Variants in HERC6 observed in about 807,000 individuals in gnomAD.
The protein encoded by HERC6 is HECT and RLD domain containing E3 ubiquitin protein ligase family member 6, also known as probable E3 ubiquitin-protein ligase HERC6.
In HERC6, 101 loss-of-function variants were observed where a neutral mutation model predicts 114.5. The ratio of observed to expected loss-of-function variants is 0.88; its 90% CI spans 0.75 to 1.04. The LOEUF (loss-of-function observed/expected upper bound fraction) is 1.04. Among genes scored for constraint, HERC6 ranks in the 50% least tolerant of loss-of-function variants. The pLI, the probability that HERC6 is intolerant of heterozygous loss-of-function variation, is 0.00. For synonymous variants in HERC6, 408 were observed against 436.2 expected (o/e 0.94, Z 0.81); for missense variants, 1,133 against 1,230.9 (o/e 0.92, Z 1.19).
chr4:88,388,033 T>C (rs1578370570), intron 3 of HERC6, among the ~76,000 whole-genome samples: 1 of 152,260 alleles, frequency 6.6e-6, no homozygotes, highest in Non-Finnish European at 1.5e-5. Context: ...AAATTAACTT[T>C]AGAAGAGTTA....
intron 1 of HERC6, 150 bp downstream of exon 1, chr4:88,379,270 G>A (rs895790537): frequency 2.8e-5 from 17 of 615,492 alleles, no homozygotes; most frequent in Non-Finnish European, 4.5e-5. Flanking sequence ...CAGATGCTGG[G>A]CGCCGCGGGC....
At chr4:88,413,014 T>C in intron 11 of HERC6, 63 bp from the exon 12 acceptor site, 2 of 1,207,398 alleles carry the variant, frequency 1.7e-6, no homozygotes, top group Non-Finnish European at 2.3e-6. Flanking sequence ...CACAGCTTGC[T>C]TCTCACAATC....
chr4:88,432,517 C>T (rs775276897), intron 17 of HERC6, among the ~76,000 whole-genome samples: 4 of 151,950 alleles, frequency 2.6e-5, no homozygotes, highest in African/African-American at 4.8e-5. Context: ...GTCAGGAATT[C>T]GAGACCAGCC....
intron 13 of HERC6, among the ~76,000 whole-genome samples, chr4:88,423,124 T>G (rs188409314): frequency 6.6e-6 from 1 of 152,160 alleles, no homozygotes; most frequent in Non-Finnish European, 1.5e-5. Flanking sequence ...AGACGCAGTC[T>G]TTTCATTTGT....
chr4:88,403,377 G>A (rs2148890429), intron 8 of HERC6, among the ~76,000 whole-genome samples: 1 of 152,148 alleles, frequency 6.6e-6, no homozygotes, highest in East Asian at 1.9e-4. Context: ...AACACTTGTG[G>A]GTGATTAAAG....
Position 88,413,240 on chromosome 4 carries a change from T to C in HERC6, c.1532T>C (p.Met511Thr). Residue 511 changes from methionine to threonine, a missense_variant, in exon 12 of 23, where the codon ATG becomes ACG. Transcript: ENST00000264346. ...VVPFAKAVCE[M>T]SKQSLQVLKK... ...CCATTTGCAAAGGCTGTGTGTGAAA[T>C]GAGTAAACAATCTTTGCAAGTCCTA... 6.2e-7 allele frequency: 1 copy of C among 1,613,054 alleles called. No homozygotes were observed. The highest frequency in any genetic ancestry group is 1.3e-5 in the African/African-American group (1 of 74,960).
At chr4:88,440,304 C>T in intron 22 of HERC6, 54 bp downstream of exon 22, 3 of 1,057,700 alleles carry the variant, frequency 2.8e-6, no homozygotes, top group Non-Finnish European at 4.2e-6. Context: ...TAAAAAGGTA[C>T]AGTCTTGTTT....
intron 5 of HERC6, 88 bp from the exon 6 acceptor site, chr4:88,395,927 G>A (rs900623962): frequency 1.1e-5 from 13 of 1,199,670 alleles, no homozygotes; most frequent in Middle Eastern, 4.0e-4. Context: ...GAGTGCTCCC[G>A]TATTAACTCT....
chr4:88,379,317 G>C (rs940995203), intron 1 of HERC6, among the ~76,000 whole-genome samples, 197 bp downstream of exon 1: 10 of 152,078 alleles, frequency 6.6e-5, no homozygotes, highest in African/African-American at 2.4e-4. Context: ...TGGATTCCTC[G>C]GGGCCCGAAG....
At chr4:88,396,247 G>T (rs1160110307) in intron 6 of HERC6, 105 bp downstream of exon 6, 2 of 949,854 alleles carry the variant, frequency 2.1e-6, no homozygotes, top group East Asian at 3.1e-5. Flanking sequence ...TAAAATTCCT[G>T]CCTGAAAATT....
intron 14 of HERC6, 71 bp from the exon 15 acceptor site, chr4:88,424,524 T>A: frequency 8.8e-7 from 1 of 1,138,962 alleles, no homozygotes; most frequent in Non-Finnish European, 1.3e-6. Context: ...AAAAAGGCGA[T>A]AAGGTAAAGG....
chr4:88,402,739 C>G (rs1487433754), intron 8 of HERC6, among the ~76,000 whole-genome samples: 1 of 152,132 alleles, frequency 6.6e-6, no homozygotes, highest in Non-Finnish European at 1.5e-5. Context: ...CAAGAAGAGG[C>G]AGATGACATA....
chr4:88,414,222 G>T (rs1736296691), intron 12 of HERC6, among the ~76,000 whole-genome samples: 1 of 152,108 alleles, frequency 6.6e-6, no homozygotes, highest in African/African-American at 2.4e-5. Context: ...CTTAATCCTA[G>T]CATTTTGGGA....
intron 11 of HERC6, among the ~76,000 whole-genome samples, chr4:88,411,728 C>T (rs1736115355): frequency 6.6e-6 from 1 of 152,162 alleles, no homozygotes; most frequent in Non-Finnish European, 1.5e-5. Flanking sequence ...TCAGAGGCAC[C>T]TTTGCACAGG....
intron 13 of HERC6, among the ~76,000 whole-genome samples, chr4:88,420,078 T>C (rs754812884): frequency 2.0e-5 from 3 of 152,038 alleles, no homozygotes; most frequent in Non-Finnish European, 4.4e-5. Flanking sequence ...TTACTATATA[T>C]AGGGTGTCAG....
chr4:88,412,393 C>T (rs140498249), intron 11 of HERC6, among the ~76,000 whole-genome samples: 2,088 of 152,178 alleles, frequency 0.014, 26 homozygotes, highest in South Asian at 0.027. Context: ...ATCACCTGAG[C>T]CCAAGAGTTT....
intron 8 of HERC6, among the ~76,000 whole-genome samples, chr4:88,401,327 T>C (rs1039923564): frequency 2.0e-5 from 3 of 151,760 alleles, no homozygotes; most frequent in Non-Finnish European, 4.4e-5. Flanking sequence ...ACCCCATCTC[T>C]ACTAAAAATA....
intron 17 of HERC6, among the ~76,000 whole-genome samples, chr4:88,432,661 A>G (rs1738351022): frequency 6.6e-6 from 1 of 151,856 alleles, no homozygotes; most frequent in Admixed American, 6.6e-5. Flanking sequence ...CCTAAGAGGC[A>G]GAGGTTGCAG....
In HERC6 at chr4:88,439,900, A is replaced by C; in HGVS notation, c.2582A>C (p.Asp861Ala). The change falls in exon 21 of 23, where the codon GAT becomes GCT. Residue 861 changes from aspartate to alanine, a missense_variant. Physicochemically the swap from Asp to Ala is moderately radical, Grantham distance 126. This residue lies in a region of HERC6 where 388 missense variants were observed against 445.9 expected (regional missense o/e 0.87). Transcript: ENST00000264346. ...AGAGACTATGTTTCTAAGTATATTG[A>C]TTACATTTTCAACGTCTCTGTAAAA... ...NKRDYVSKYI[D>A]YIFNVSVKAV... 2 of 1,432,108 alleles carry C rather than the reference A, an allele frequency of 1.4e-6. No individual in the cohort carries two copies. Among genetic ancestry groups the C allele is most frequent in the South Asian group, 2.6e-5 (2 of 78,202 alleles). The allele number at this position is 1,432,108 out of a possible 1,614,324, so 88.7% of individuals were successfully genotyped here.
Sources: gnomAD v4.1 joint callset for allele counts (sites outside exome capture counted in the v4.1 genomes callset) on GRCh38, gnomAD v4.1.1 for gene constraint, gnomAD v4.1.1 regional missense constraint, MANE v1.5 for transcripts, NCBI Gene and HGNC (gene_info 2026-07-23, HGNC 2026-07-21) for gene names.